NRL: variants seen among roughly 807,000 people sequenced by gnomAD.
The protein encoded by NRL is neural retina-specific leucine zipper protein.
NRL carries 16 observed loss-of-function variants against 12.5 expected under a neutral mutation model. The ratio of observed to expected loss-of-function variants is 1.28; its 90% confidence interval spans 0.87 to 1.95. NRL has a LOEUF of 1.95. Among genes scored for constraint, NRL ranks in the 30% most tolerant of loss-of-function variants. The pLI is 0.00. For missense variants in NRL, 314 were observed against 325.8 expected (o/e 0.96, Z 0.28); for synonymous variants, 142 against 150.9 (o/e 0.94, Z 0.43).
intron 1 of NRL, among the ~76,000 whole-genome samples, chr14:24,091,405 C>T (rs2036628836): frequency 6.6e-6 from 1 of 152,106 alleles, no homozygotes; most frequent in Admixed American, 6.5e-5. Context: ...AGAAAAAGTT[C>T]ACAGAAGTGC....
chr14:24,104,978 G>A (rs571863318), intron 1 of NRL, among the ~76,000 whole-genome samples: 2 of 152,292 alleles, frequency 1.3e-5, no homozygotes, highest in South Asian at 2.1e-4. Context: ...TTAAAAACAC[G>A]CACACAGAAA....
At chr14:24,106,077 C>T (rs779427959) in intron 1 of NRL, among the ~76,000 whole-genome samples, 1 of 152,142 alleles carries the variant, frequency 6.6e-6, no homozygotes. Context: ...TGCCGGTCTG[C>T]GAACTACAGT....
chr14:24,106,311 G>C (rs1018697499), intron 1 of NRL, among the ~76,000 whole-genome samples: 1 of 152,118 alleles, frequency 6.6e-6, no homozygotes, highest in African/African-American at 2.4e-5. Context: ...TCCCTCAAAG[G>C]AAAAAACTAG....
At chr14:24,087,996 C>G (rs1254550309) in intron 1 of NRL, among the ~76,000 whole-genome samples, 1 of 151,814 alleles carries the variant, frequency 6.6e-6, no homozygotes, top group Admixed American at 6.6e-5. Flanking sequence ...CCACTGCACT[C>G]TAGCTTTGGA....
At chr14:24,109,646 C>A (rs569029773) in intron 1 of NRL, among the ~76,000 whole-genome samples, 1 of 149,106 alleles carries the variant, frequency 6.7e-6, no homozygotes, top group East Asian at 2.0e-4. Context: ...TGCAGTGAGC[C>A]GAGATCGGTC....
chr14:24,098,079 T>G, intron 1 of NRL: 1 of 748,892 alleles, frequency 1.3e-6, no homozygotes, highest in Non-Finnish European at 2.2e-6. Flanking sequence ...GACTGAGATG[T>G]GATTGGGTGG....
intron 1 of NRL, chr14:24,114,048 G>GGGGGCAGGAC (rs2037476451): frequency 6.6e-6 from 1 of 152,620 alleles, no homozygotes; most frequent in African/African-American, 2.4e-5. Context: ...GGGGGCAGGA[G>GGGGGCAGGAC]GGGGCAGGAG....
In NRL at chr14:24,114,836, T is replaced by C; in HGVS notation, c.-142A>G. ...CGAGATGCGTGACGAGCGAAGCGCG[T>C]GACGGAGGAGCGGTTGGCCAACGCA... is the stretch of plus-strand genomic sequence containing the variant. On this transcript the variant is annotated 5_prime_UTR_variant, in exon 1 of 3. Transcript: ENST00000561028. The C allele has an allele frequency of 1.0e-6, 1 of 985,934 alleles. No homozygotes were observed. The highest frequency in any genetic ancestry group is 1.2e-6 in the Non-Finnish European group (1 of 829,950). 61.1% of individuals were successfully genotyped at this position (985,934 alleles called of 1,614,324 possible). A position where few individuals can be genotyped will look rare whatever the true frequency, so the allele number is the denominator to read the frequency against.
In NRL at chr14:24,081,233, G is replaced by T. The variant is rs764462511; in HGVS notation, c.*3C>A. On this transcript the variant is annotated 3_prime_UTR_variant, in exon 3 of 3. Transcript: ENST00000561028. This position sits in a 1 kb window ranked among gnomAD's most constrained non-coding sequence, Gnocchi z 4.4. ...CACTACACCACAAGGTGCTCTGAACGGCTCAGAGGAAGAGGTGGGAGGGGT... is the reference window on the plus strand; with the variant it reads ...CACTACACCACAAGGTGCTCTGAACTGCTCAGAGGAAGAGGTGGGAGGGGT... 58 of 1,478,592 alleles carry T rather than the reference G, an allele frequency of 3.9e-5. No individual in the cohort carries two copies. Among genetic ancestry groups the T allele is most frequent in the Non-Finnish European group, 5.0e-5 (56 of 1,110,898 alleles). 91.6% of individuals were successfully genotyped at this position (1,478,592 alleles called of 1,614,324 possible).
rs1594248340 is a variant in NRL, at chr14:24,081,907, C to A, written c.382-339G>T. The A allele has an allele frequency of 3.8e-6, 5 of 1,301,822 alleles. No homozygotes were observed. The allele number at this position is 1,301,822 out of a possible 1,614,324, so 80.6% of individuals were successfully genotyped here. ...CCCGGGTGTGTCCAGTGGACCCGCA[C>A]CCAGACAGCCCCCAACCCTCCAACG... On this transcript the variant is annotated intron_variant, in intron 2 of 2. Coordinates refer to ENST00000561028, the MANE Select transcript of NRL (RefSeq NM_001354768.3). The surrounding 1 kb of genome is among the most constrained non-coding windows in gnomAD (Gnocchi z 4.4).
At chr14:24,099,774 G>A in intron 1 of NRL, 2 of 1,552,492 alleles carry the variant, frequency 1.3e-6, no homozygotes, top group Non-Finnish European at 1.8e-6. Flanking sequence ...GAGCCTCGGG[G>A]TCTCCTCTCT....
intron 1 of NRL, chr14:24,099,541 C>T (rs781328516): frequency 1.9e-6 from 3 of 1,560,484 alleles, no homozygotes; most frequent in South Asian, 2.5e-5. Flanking sequence ...CTTATTCCCT[C>T]TCTCCCCAAT....
intron 1 of NRL, chr14:24,102,859 C>T (rs530998057): frequency 5.6e-6 from 9 of 1,613,886 alleles, no homozygotes; most frequent in Middle Eastern, 1.7e-4. Flanking sequence ...TCCCCATTGA[C>T]GCCATCATCT....
At chr14:24,090,152 C>A (rs753357727) in intron 1 of NRL, among the ~76,000 whole-genome samples, 1 of 150,956 alleles carries the variant, frequency 6.6e-6, no homozygotes, top group Non-Finnish European at 1.5e-5. Context: ...AGGAAGGCAA[C>A]AATGAAATAA....
rs2138873111 is a variant in NRL, at chr14:24,082,116, C to G, written c.381+352G>C. The G allele has an allele frequency of 2.4e-6, 3 of 1,232,098 alleles. No homozygotes were observed. The East Asian group carries it at 1.2e-4, about 50-fold the overall frequency. The allele number at this position is 1,232,098 out of a possible 1,614,324, so 76.3% of individuals were successfully genotyped here. A position where few individuals can be genotyped will look rare whatever the true frequency, so the allele number is the denominator to read the frequency against. ...AAAGGCCAATCTAAACCAGTCTTAA[C>G]CCAGCTCCACTCCACACATAACCCT... On this transcript the variant is annotated intron_variant, in intron 2 of 2. Coordinates refer to ENST00000561028, the MANE Select transcript of NRL (RefSeq NM_001354768.3).
intron 1 of NRL, chr14:24,103,361 G>T: frequency 8.7e-7 from 1 of 1,143,946 alleles, no homozygotes. Flanking sequence ...GTCTGATATG[G>T]CCCCACCTCT....
At chr14:24,087,127 G>A (rs2036485420) in intron 1 of NRL, among the ~76,000 whole-genome samples, 1 of 151,866 alleles carries the variant, frequency 6.6e-6, no homozygotes, top group South Asian at 2.1e-4. Context: ...TAGAGGACAG[G>A]ACAAGTCAGG....
chr14:24,094,531 G>T lies in NRL; in HGVS notation c.-27-11656C>A. ...CTCTCCTGCTCTCAGCCTCCGCCAG[G>T]TTTCCCATCCTAGGCGGAGGCGGGC... On this transcript the variant is annotated intron_variant, in intron 1 of 2. Transcript: ENST00000561028. This position sits in a 1 kb window ranked among gnomAD's most constrained non-coding sequence, Gnocchi z 4.1. 6.9e-7 allele frequency: 1 copy of T among 1,444,560 alleles called. No homozygotes were observed. Among genetic ancestry groups the T allele is most frequent in the Non-Finnish European group, 9.1e-7 (1 of 1,104,004 alleles). 89.5% of individuals were successfully genotyped at this position (1,444,560 alleles called of 1,614,324 possible). A position where few individuals can be genotyped will look rare whatever the true frequency, so the allele number is the denominator to read the frequency against.
rs756057856 is a variant in NRL at position 24,081,603 on chromosome 14, C to G, written c.382-35G>C. On this transcript the variant is annotated intron_variant, in intron 2 of 2. Coordinates refer to ENST00000561028, the MANE Select transcript of NRL (RefSeq NM_001354768.3). The surrounding 1 kb of genome is among the most constrained non-coding windows in gnomAD (Gnocchi z 4.4). Reference sequence around the variant, plus strand: ...GAGAATGCAGAAACCGGGTCAGCGCCAGGTCGCACCCGGCTCTGCCCTGAG... The same window carrying G: ...GAGAATGCAGAAACCGGGTCAGCGCGAGGTCGCACCCGGCTCTGCCCTGAG... The G allele has an allele frequency of 6.4e-7, 1 of 1,560,738 alleles. No homozygotes were observed.
Sources: allele counts gnomAD v4.1 joint callset (sites outside exome capture counted in the v4.1 genomes callset), GRCh38; gene constraint gnomAD v4.1.1; non-coding constraint Gnocchi (gnomAD v3.1); transcripts MANE v1.5; gene names NCBI Gene and HGNC (gene_info 2026-07-23, HGNC 2026-07-21).